Variants in CAMKMT observed in about 807,000 individuals in gnomAD.
CAMKMT encodes CaM KMT.
In CAMKMT, 53 loss-of-function variants were observed where a neutral mutation model predicts 48.0. The ratio of observed to expected loss-of-function variants is 1.10; its 90% confidence interval spans 0.89 to 1.39. CAMKMT has a LOEUF of 1.39. Among genes scored for constraint, CAMKMT ranks in the 40% most tolerant of loss-of-function variants. The pLI, the probability that CAMKMT is intolerant of heterozygous loss-of-function variation, is 0.00. For synonymous variants in CAMKMT, 165 were observed against 152.3 expected, an observed-to-expected ratio of 1.08 and a Z score of -0.61; for missense variants, 428 against 402.7, an observed-to-expected ratio of 1.06 and a Z score of -0.54.
chr2:44,543,517 G>T (rs920608364), intron 3 of CAMKMT, among the ~76,000 whole-genome samples: 2 of 152,144 alleles, frequency 1.3e-5, no homozygotes, highest in African/African-American at 4.8e-5. Context: ...ACTGACTGTG[G>T]TGCTGAATGT....
chr2:44,373,158 A>C (rs1679348372), intron 2 of CAMKMT, among the ~76,000 whole-genome samples: 1 of 152,220 alleles, frequency 6.6e-6, no homozygotes, highest in South Asian at 2.1e-4. Flanking sequence ...ATTCTGTCAT[A>C]ACATTTGTTT....
intron 3 of CAMKMT, among the ~76,000 whole-genome samples, chr2:44,491,297 G>A (rs1030071632): frequency 7.9e-5 from 12 of 152,078 alleles, no homozygotes; most frequent in African/African-American, 1.2e-4. Flanking sequence ...GGGCAATGAA[G>A]TGAGTTAGAT....
At position 44,704,251 on chromosome 2, in the gene CAMKMT, A is replaced by C. The variant is rs576789055; in HGVS notation, c.377-32A>C. ...CGTTTCTTAAAAGAATGACTTCTATAATCAAAAGGTTTATCCTCTTGTGTT... is the reference window on the plus strand; with the variant it reads ...CGTTTCTTAAAAGAATGACTTCTATCATCAAAAGGTTTATCCTCTTGTGTT... On this transcript the variant is annotated intron_variant, in intron 3 of 10. Coordinates refer to ENST00000378494, the MANE Select transcript of CAMKMT (RefSeq NM_024766.5). The C allele has an allele frequency of 7.0e-6, 11 of 1,577,044 alleles. No homozygotes were observed. The East Asian group carries it at 2.2e-4, about 32-fold the overall frequency.
intron 3 of CAMKMT, among the ~76,000 whole-genome samples, chr2:44,573,555 G>C (rs1279142957): frequency 1.3e-5 from 2 of 151,970 alleles, no homozygotes; most frequent in Admixed American, 6.6e-5. Flanking sequence ...CTTACTGCCT[G>C]TGCTTTTGGT....
chr2:44,681,395 A>G (rs1196045335), intron 3 of CAMKMT, among the ~76,000 whole-genome samples: 1 of 152,220 alleles, frequency 6.6e-6, no homozygotes, highest in East Asian at 1.9e-4. Context: ...AAGGGGGAAA[A>G]GCCGAGAAGC....
intron 3 of CAMKMT, among the ~76,000 whole-genome samples, chr2:44,484,893 A>T (rs1379037240): frequency 6.6e-6 from 1 of 152,218 alleles, no homozygotes; most frequent in Non-Finnish European, 1.5e-5. Context: ...AAAGAACCTA[A>T]TTTCACAAAT....
chr2:44,437,588 C>T (rs1666342190), intron 3 of CAMKMT, among the ~76,000 whole-genome samples: 1 of 152,188 alleles, frequency 6.6e-6, no homozygotes, highest in Non-Finnish European at 1.5e-5. Flanking sequence ...TGGCTCACGC[C>T]TGTAATCCCA....
chr2:44,486,069 A>G (rs1021809438), intron 3 of CAMKMT, among the ~76,000 whole-genome samples: 4 of 152,114 alleles, frequency 2.6e-5, no homozygotes, highest in African/African-American at 7.2e-5. Context: ...GGTTCAAGCA[A>G]TTCTCATGCC....
At chr2:44,363,372 C>A (rs375702013) in intron 1 of CAMKMT, among the ~76,000 whole-genome samples, 1 of 151,828 alleles carries the variant, frequency 6.6e-6, no homozygotes, top group African/African-American at 2.4e-5. Context: ...ACTCAACCCC[C>A]CTTCCCCCCT....
intron 3 of CAMKMT, chr2:44,456,649 G>GAGAT: frequency 6.5e-7 from 1 of 1,539,746 alleles, no homozygotes; most frequent in Non-Finnish European, 8.8e-7. Context: ...TATGCCTGGG[G>GAGAT]AGATGGGACT....
At chr2:44,498,937 C>G (rs1416788420) in intron 3 of CAMKMT, among the ~76,000 whole-genome samples, 1 of 152,064 alleles carries the variant, frequency 6.6e-6, no homozygotes, top group Non-Finnish European at 1.5e-5. Flanking sequence ...AGGGATTTCT[C>G]TCAAGTATAT....
chr2:44,419,703 G>T (rs1405684045), intron 3 of CAMKMT, among the ~76,000 whole-genome samples: 3 of 152,098 alleles, frequency 2.0e-5, no homozygotes, highest in African/African-American at 7.2e-5. Context: ...AAACTCCCAG[G>T]TAGCTAGGAC....
intron 3 of CAMKMT, among the ~76,000 whole-genome samples, chr2:44,479,115 T>A (rs1408372025): frequency 6.6e-6 from 1 of 152,250 alleles, no homozygotes; most frequent in Non-Finnish European, 1.5e-5. Flanking sequence ...ATAACCTTGC[T>A]TAATATTAGT....
intron 7 of CAMKMT, among the ~76,000 whole-genome samples, chr2:44,743,063 C>T (rs988173231): frequency 6.6e-6 from 1 of 152,172 alleles, no homozygotes; most frequent in Non-Finnish European, 1.5e-5. Flanking sequence ...AAGTTTTAAA[C>T]CTGATCCCCT....
rs753300790 is a variant in CAMKMT at position 44,740,124 on chromosome 2, A to ATTT, written c.624-3479_624-3477dup. Among the ~76,000 whole-genome samples, 6 of 120,186 alleles carry ATTT rather than the reference A, an allele frequency of 5.0e-5. 1 individual carries two copies. The highest frequency in any genetic ancestry group is 8.6e-5 in the Admixed American group (1 of 11,592). The allele number at this position is 120,186 out of a possible 152,430, so 78.8% of individuals were successfully genotyped here. ...ATGGAAGTTCTTAACTGATTGCTGCATTTTTTTTTTTTTTTTTTTTTGAGA... is the reference window on the plus strand; with the variant it reads ...ATGGAAGTTCTTAACTGATTGCTGCATTTTTTTTTTTTTTTTTTTTTTTTGAGA... On this transcript the variant is annotated intron_variant, in intron 7 of 10. Coordinates refer to ENST00000378494, the MANE Select transcript of CAMKMT (RefSeq NM_024766.5).
intron 3 of CAMKMT, among the ~76,000 whole-genome samples, chr2:44,493,122 C>T (rs887254185): frequency 6.6e-6 from 1 of 151,986 alleles, no homozygotes; most frequent in Admixed American, 6.6e-5. Flanking sequence ...GTCTCGAGCT[C>T]CTGACCTCGT....
intron 3 of CAMKMT, among the ~76,000 whole-genome samples, chr2:44,692,415 C>G (rs1012208691): frequency 3.3e-5 from 5 of 152,182 alleles, no homozygotes; most frequent in African/African-American, 1.2e-4. Context: ...GCCAAAGTAG[C>G]CACCTGTCCC....
intron 3 of CAMKMT, among the ~76,000 whole-genome samples, chr2:44,439,010 G>C (rs1666470441): frequency 6.6e-6 from 1 of 152,048 alleles, no homozygotes; most frequent in Non-Finnish European, 1.5e-5. Context: ...TCACCACATT[G>C]TTTCATAATT....
intron 3 of CAMKMT, among the ~76,000 whole-genome samples, chr2:44,595,316 G>T (rs1670585850): frequency 6.6e-6 from 1 of 152,158 alleles, no homozygotes; most frequent in South Asian, 2.1e-4. Flanking sequence ...ATACCCAAAG[G>T]ATTATAAATG....
Sources: gnomAD v4.1 joint callset for allele counts (sites outside exome capture counted in the v4.1 genomes callset) on GRCh38, gnomAD v4.1.1 for gene constraint, MANE v1.5 for transcripts, NCBI Gene and HGNC (gene_info 2026-07-23, HGNC 2026-07-21) for gene names.